ESS2: variants seen among roughly 807,000 people sequenced by gnomAD.
ESS2 encodes splicing factor ESS-2 homolog.
ESS2 carries 31 observed loss-of-function variants against 52.0 expected under a neutral mutation model. That is an observed-to-expected ratio of 0.60 (90% confidence interval 0.45 to 0.81). The LOEUF (loss-of-function observed/expected upper bound fraction) is 0.81, where lower values mean the gene tolerates loss of function less well. ESS2 is among the 30% of genes least tolerant of loss of function. The probability of loss-of-function intolerance (pLI) is 0.00; values close to 1 mark genes in which losing one functional copy is unlikely to be tolerated. For synonymous variants in ESS2, 285 were observed against 259.2 expected, an observed-to-expected ratio of 1.10 and a Z score of -0.95; for missense variants, 602 against 637.2, an observed-to-expected ratio of 0.94 and a Z score of 0.59.
chr22:19,130,535 C>T lies in ESS2; in HGVS notation c.*3661G>A, dbSNP rs1319877925. On this transcript the variant is annotated 3_prime_UTR_variant, in exon 10 of 10. Coordinates refer to ENST00000252137, the MANE Select transcript of ESS2 (RefSeq NM_022719.3). ...CTTCAAGGCCTGTCTACTGTGGTAC[C>T]GGAGTGATTATTTCGATTGTATCTC... 9.5e-6 allele frequency: 4 copies of T among 423,076 alleles called. No individual in the cohort carries two copies. Among genetic ancestry groups the T allele is most frequent in the African/African-American group, 6.2e-5 (3 of 48,404 alleles). The allele number at this position is 423,076 out of a possible 1,614,324, so 26.2% of individuals were successfully genotyped here. A position where few individuals can be genotyped will look rare whatever the true frequency, so the allele number is the denominator to read the frequency against.
Position 19,144,600 on chromosome 22 carries a change from G to C in ESS2, c.41C>G (p.Pro14Arg), listed in dbSNP as rs367802920. 3.8e-6 allele frequency: 6 copies of C among 1,595,226 alleles called. No individual in the cohort carries two copies. The highest frequency in any genetic ancestry group is 4.3e-6 in the Non-Finnish European group (5 of 1,169,982). The change falls in exon 1 of 10, where the codon CCC becomes CGC. Residue 14 changes from proline to arginine, a missense_variant. By Grantham distance (103) the Pro-to-Arg change is moderately radical. Transcript: ENST00000252137. ...CTTCCTCGGGGGCCTGGACGCGGCGGGAAGCAACAAGGACGACGCTGATGC... is the reference window on the plus strand; with the variant it reads ...CTTCCTCGGGGGCCTGGACGCGGCGCGAAGCAACAAGGACGACGCTGATGC... ...PGASASSLLLPAASRPPRKRE... is the reference protein window; with the variant it reads ...PGASASSLLLRAASRPPRKRE...
Position 19,134,108 on chromosome 22 carries a change from G to A in ESS2, c.*88C>T. The A allele has an allele frequency of 7.3e-7, 1 of 1,378,020 alleles. No individual in the cohort carries two copies. The highest frequency in any genetic ancestry group is 3.1e-5 in the Admixed American group (1 of 32,424). 85.4% of individuals were successfully genotyped at this position (1,378,020 alleles called of 1,614,324 possible). Reference sequence around the variant, plus strand: ...GTCAACAGCTTCTGGCCCAGGCCTGGGCCCCGAGAAGGCTGGAGTCCTCTG... The same window carrying A: ...GTCAACAGCTTCTGGCCCAGGCCTGAGCCCCGAGAAGGCTGGAGTCCTCTG... On this transcript the variant is annotated 3_prime_UTR_variant, in exon 10 of 10. Transcript: ENST00000252137.
rs374567546 is a variant in ESS2 at position 19,139,885 on chromosome 22, C to T, written c.540G>A (p.Trp180Ter). Residue 180 changes from tryptophan (W) to a stop codon, truncating the protein, a stop_gained, in exon 4 of 10, where the codon TGG (tryptophan) becomes TGA (stop). Coordinates refer to ENST00000252137, the MANE Select transcript of ESS2 (RefSeq NM_022719.3). LOFTEE classifies it high-confidence loss of function. ...CAAACTCTTCCTCAGCCTGGTAGAG[C>T]CAAGCGTGGCGTGCCCGGCTTCTCT... Reference protein sequence around the residue: ...AKERSRARHAWLYQAEEEFEK... With the variant: ...AKERSRARHA 2 of 1,614,182 alleles carry T rather than the reference C, an allele frequency of 1.2e-6. No individual in the cohort carries two copies. The highest frequency in any genetic ancestry group is 1.7e-6 in the Non-Finnish European group (2 of 1,180,014).
intron 6 of ESS2, 131 bp from the exon 7 acceptor site, chr22:19,138,448 G>A: frequency 1.1e-6 from 1 of 909,660 alleles, no homozygotes; most frequent in Non-Finnish European, 1.8e-6. Flanking sequence ...TCTGGGGTTG[G>A]CAGCCTTCTT....
chr22:19,134,008 G>A lies in ESS2; in HGVS notation c.*188C>T. 1.7e-6 allele frequency: 1 copy of A among 575,558 alleles called. No homozygotes were observed. Among genetic ancestry groups the A allele is most frequent in the South Asian group, 6.0e-5 (1 of 16,630 alleles). The allele number at this position is 575,558 out of a possible 1,614,324, so 35.7% of individuals were successfully genotyped here. The stretch of plus-strand genomic sequence containing the variant: ...AGCAAACAGCTTGGCAAGGCCCTGG[G>A]GTGTGGTGTGGGCACGAGTGCCTTG... On this transcript the variant is annotated 3_prime_UTR_variant, in exon 10 of 10. Coordinates refer to ENST00000252137, the MANE Select transcript of ESS2 (RefSeq NM_022719.3).
At position 19,132,126 on chromosome 22, in the gene ESS2, TGCGAGTG is replaced by T; in HGVS notation, c.*2063_*2069del. On this transcript the variant is annotated 3_prime_UTR_variant, in exon 10 of 10. Transcript: ENST00000252137. The surrounding 1 kb of genome is among the most constrained non-coding windows in gnomAD (Gnocchi z 4.2). ...CTTCCCGCGCTCCAAGAACCTGACCTGCGAGTGCAAGGACCTCATCTACCGCATGCTG... is the reference window on the plus strand; with the variant it reads ...CTTCCCGCGCTCCAAGAACCTGACCTCAAGGACCTCATCTACCGCATGCTG... The T allele has an allele frequency of 6.2e-7, 1 of 1,612,632 alleles. No homozygotes were observed. Among genetic ancestry groups the T allele is most frequent in the Non-Finnish European group, 8.5e-7 (1 of 1,178,786 alleles).
chr22:19,140,661 TGC>T (rs1431991599), intron 3 of ESS2, among the ~76,000 whole-genome samples: 1 of 152,176 alleles, frequency 6.6e-6, no homozygotes, highest in Non-Finnish European at 1.5e-5. Context: ...GCCCTGGTGC[TGC>T]GTGTGGTGGT....
Position 19,132,414 on chromosome 22 carries a change from G to T in ESS2, c.*1782C>A. 1 of 1,612,866 alleles carries T rather than the reference G, an allele frequency of 6.2e-7. No homozygotes were observed. On this transcript the variant is annotated 3_prime_UTR_variant, in exon 10 of 10. Transcript: ENST00000252137. The surrounding 1 kb of genome is among the most constrained non-coding windows in gnomAD (Gnocchi z 4.2). ...GAACAGGATGGAGGACAGGCTGGCCGAGACCTCCAGGGCCAAAGACCATCA... is the reference window on the plus strand; with the variant it reads ...GAACAGGATGGAGGACAGGCTGGCCTAGACCTCCAGGGCCAAAGACCATCA...
chr22:19,132,534 C>A lies in ESS2; in HGVS notation c.*1662G>T. The A allele has an allele frequency of 1.3e-6, 2 of 1,510,324 alleles. No individual in the cohort carries two copies. The highest frequency in any genetic ancestry group is 1.8e-4 in the Middle Eastern group (1 of 5,650). The allele number at this position is 1,510,324 out of a possible 1,614,324, so 93.6% of individuals were successfully genotyped here. ...TCGGGGTTGGGGGGCATGGTGCAGT[C>A]GGCCTTCACGTAAACTAAGTAGGCA... On this transcript the variant is annotated 3_prime_UTR_variant, in exon 10 of 10. Transcript: ENST00000252137. The surrounding 1 kb of genome is among the most constrained non-coding windows in gnomAD (Gnocchi z 4.2).
rs2083501399 is a variant in ESS2 at position 19,131,097 on chromosome 22, C to T, written c.*3099G>A. On this transcript the variant is annotated 3_prime_UTR_variant, in exon 10 of 10. Coordinates refer to ENST00000252137, the MANE Select transcript of ESS2 (RefSeq NM_022719.3). This position sits in a 1 kb window ranked among gnomAD's most constrained non-coding sequence, Gnocchi z 5.7. ...GCAGCAGCAGCAGGGCCACCAGAGT[C>T]CTGTCCTGGGGACAGGCTTCCTTCC... 2.8e-6 allele frequency: 1 copy of T among 353,010 alleles called. No homozygotes were observed. Among genetic ancestry groups the T allele is most frequent in the South Asian group, 4.5e-5 (1 of 22,110 alleles). 21.9% of individuals were successfully genotyped at this position (353,010 alleles called of 1,614,324 possible). A position where few individuals can be genotyped will look rare whatever the true frequency, so the allele number is the denominator to read the frequency against.
At position 19,131,649 on chromosome 22, in the gene ESS2, G is replaced by A. The variant is rs200748051; in HGVS notation, c.*2547C>T. 1.5e-5 allele frequency: 25 copies of A among 1,613,994 alleles called. No individual in the cohort carries two copies. Among genetic ancestry groups the A allele is most frequent in the South Asian group, 1.3e-4 (12 of 91,048 alleles). Reference sequence around the variant, plus strand: ...TTACGAGATCTTTGAGACCTCTGACGGACGGATCTACATCATCATGGAGCT... The same window carrying A: ...TTACGAGATCTTTGAGACCTCTGACAGACGGATCTACATCATCATGGAGCT... On this transcript the variant is annotated 3_prime_UTR_variant, in exon 10 of 10. Transcript: ENST00000252137. This position sits in a 1 kb window ranked among gnomAD's most constrained non-coding sequence, Gnocchi z 5.7.
chr22:19,140,869 G>A (rs193043517), intron 3 of ESS2, among the ~76,000 whole-genome samples: 1 of 152,230 alleles, frequency 6.6e-6, no homozygotes, highest in African/African-American at 2.4e-5. Context: ...GAGACCTGCA[G>A]AAGTGACTGC....
rs999793877 is a variant in ESS2, at chr22:19,133,944, T to C, written c.*252A>G. On this transcript the variant is annotated 3_prime_UTR_variant, in exon 10 of 10. Transcript: ENST00000252137. Reference sequence around the variant, plus strand: ...GAGAGGCAACCCCCCAGACTGTACCTAGGTGTTCTTTAATGACAGTTCAAG... The same window carrying C: ...GAGAGGCAACCCCCCAGACTGTACCCAGGTGTTCTTTAATGACAGTTCAAG... 1 of 392,464 alleles carries C rather than the reference T, an allele frequency of 2.5e-6. No individual in the cohort carries two copies. Among genetic ancestry groups the C allele is most frequent in the African/African-American group, 2.1e-5 (1 of 48,306 alleles). The allele number at this position is 392,464 out of a possible 1,614,324, so 24.3% of individuals were successfully genotyped here.
At chr22:19,144,339 A>G (rs1022210592) in intron 1 of ESS2, 167 bp downstream of exon 1, 13 of 1,430,446 alleles carry the variant, frequency 9.1e-6, no homozygotes, top group Non-Finnish European at 1.1e-5. Context: ...CTCTTCCACC[A>G]CAGACGTCTT....
intron 3 of ESS2, among the ~76,000 whole-genome samples, chr22:19,141,611 C>T (rs2083687583): frequency 6.6e-6 from 1 of 152,196 alleles, no homozygotes; most frequent in Non-Finnish European, 1.5e-5. Context: ...ACGGAGCATA[C>T]AGATGAAAGC....
rs751194608 is a variant in ESS2 at position 19,134,357 on chromosome 22, G to C, written c.1270C>G (p.Arg424Gly). The C allele has an allele frequency of 1.9e-6, 3 of 1,612,282 alleles. No individual in the cohort carries two copies. Among genetic ancestry groups the C allele is most frequent in the Non-Finnish European group, 8.5e-7 (1 of 1,179,382 alleles). Residue 424 changes from arginine to glycine, a missense_variant, in exon 10 of 10, where the codon CGC becomes GGC. Arg to Gly is a moderately radical substitution (Grantham distance 125). Coordinates refer to ENST00000252137, the MANE Select transcript of ESS2 (RefSeq NM_022719.3). ...GCCGGGGTCTTGAGGTGGGTGGAGC[G>C]TGCTGGGGATGGTGTGTAGCTGGCC... ...LRASYTPSPA[R>G]STHLKTPASG...
chr22:19,137,703 G>A (rs1162854476), intron 7 of ESS2: 45 of 980,904 alleles, frequency 4.6e-5, no homozygotes, highest in Admixed American at 6.2e-5. Flanking sequence ...CACGCAGGAG[G>A]AGACACTCAG....
Position 19,134,181 on chromosome 22 carries a change from A to C in ESS2, c.*15T>G. ...GGCTCTGTGAAGCGTCTATGAGCCC[A>C]GCCCAGGCCTGGCTCTAAAAGAAGT... is the stretch of plus-strand genomic sequence containing the variant. On this transcript the variant is annotated 3_prime_UTR_variant, in exon 10 of 10. Coordinates refer to ENST00000252137, the MANE Select transcript of ESS2 (RefSeq NM_022719.3). 1 of 1,496,610 alleles carries C rather than the reference A, an allele frequency of 6.7e-7. No individual in the cohort carries two copies. The highest frequency in any genetic ancestry group is 8.9e-7 in the Non-Finnish European group (1 of 1,122,432). The allele number at this position is 1,496,610 out of a possible 1,614,324, so 92.7% of individuals were successfully genotyped here.
At chr22:19,142,967 G>GATT in intron 1 of ESS2, 73 bp from the exon 2 acceptor site, 2 of 1,423,756 alleles carry the variant, frequency 1.4e-6, no homozygotes, top group Non-Finnish European at 9.6e-7. Context: ...AACACTTTGG[G>GATT]AGGCCAAGGG....
Sources: gnomAD v4.1 joint callset for allele counts (sites outside exome capture counted in the v4.1 genomes callset) on GRCh38, gnomAD v4.1.1 for gene constraint, Gnocchi (gnomAD v3.1) non-coding constraint, MANE v1.5 for transcripts, NCBI Gene and HGNC (gene_info 2026-07-23, HGNC 2026-07-21) for gene names.